DMRT2: variants seen among roughly 807,000 people sequenced by gnomAD.
The protein encoded by DMRT2 is doublesex- and mab-3-related transcription factor 2.
In DMRT2, 33 loss-of-function variants were observed where a neutral mutation model predicts 43.5. The observed-to-expected ratio is 0.76, with a 90% CI of 0.58 to 1.01. The LOEUF (loss-of-function observed/expected upper bound fraction) is 1.01, where lower values mean the gene tolerates loss of function less well. DMRT2 is among the 50% of genes least tolerant of loss of function. DMRT2 has a pLI of 0.00. For missense variants in DMRT2, 1,064 were observed against 748.0 expected, an observed-to-expected ratio of 1.42 and a Z score of -4.93; for synonymous variants, 395 against 309.2, an observed-to-expected ratio of 1.28 and a Z score of -2.91.
At chr9:1,055,784 G>A (rs748931401) in intron 3 of DMRT2, 33 of 1,508,662 alleles carry the variant, frequency 2.2e-5, no homozygotes, top group Middle Eastern at 1.7e-4. Context: ...GAAAATAAAA[G>A]TGACATCAGC....
At chr9:1,055,588 T>C in intron 3 of DMRT2, 1 of 777,228 alleles carries the variant, frequency 1.3e-6, no homozygotes, top group Non-Finnish European at 1.8e-6. Flanking sequence ...CTGGTTAAAT[T>C]GTTCACTGTA....
rs1244281470 is a variant in DMRT2 at position 1,051,865 on chromosome 9, G to A, written c.252G>A (p.Pro84=). Residue 84 remains proline, a synonymous_variant, in exon 2 of 4, where the codon CCG becomes CCA. Coordinates refer to ENST00000358146, the MANE Select transcript of DMRT2 (RefSeq NM_181872.6). This position sits in a 1 kb window ranked among gnomAD's most constrained non-coding sequence, Gnocchi z 5.9. The stretch of plus-strand genomic sequence containing the variant: ...GCCAGCCGGAGCAGCGGGGGGGACC[G>A]CAGCCGAGGCCGCCGCTCGCGCCTC... ...MPGQPEQRGG[P]QPRPPLAPQA... The A allele has an allele frequency of 7.2e-7, 1 of 1,385,704 alleles. No individual in the cohort carries two copies. Among genetic ancestry groups the A allele is most frequent in the South Asian group, 1.7e-5 (1 of 59,616 alleles). 85.8% of individuals were successfully genotyped at this position (1,385,704 alleles called of 1,614,324 possible). A position where few individuals can be genotyped will look rare whatever the true frequency, so the allele number is the denominator to read the frequency against.
At position 1,056,459 on chromosome 9, in the gene DMRT2, C is replaced by G; in HGVS notation, c.872C>G (p.Pro291Arg). ...TACAAAAGTGCCTACAGCCCCAGCCCAGTGGAACCACCAAGCAAGGACTTC... is the reference window on the plus strand; with the variant it reads ...TACAAAAGTGCCTACAGCCCCAGCCGAGTGGAACCACCAAGCAAGGACTTC... ...NSYKSAYSPS[P>R]VEPPSKDFCN... The change falls in exon 4 of 4, where the codon CCA becomes CGA. Residue 291 changes from proline to arginine, a missense_variant. Coordinates refer to ENST00000358146, the MANE Select transcript of DMRT2 (RefSeq NM_181872.6). 1 of 1,614,236 alleles carries G rather than the reference C, an allele frequency of 6.2e-7. No homozygotes were observed. Among genetic ancestry groups the G allele is most frequent in the Non-Finnish European group, 8.5e-7 (1 of 1,180,042 alleles).
chr9:1,057,081 G>C lies in DMRT2; in HGVS notation c.1494G>C (p.Glu498Asp). Residue 498 changes from glutamate (E) to aspartate (D), a missense_variant, in exon 4 of 4, where the codon GAG (glutamate) becomes GAC (aspartate). Glu to Asp is a conservative substitution (Grantham distance 45). Coordinates refer to ENST00000358146, the MANE Select transcript of DMRT2 (RefSeq NM_181872.6). ...KTPFVKEAFE[E>D]TPKKHRECLV... is the part of the protein sequence containing the mutation. Reference sequence around the variant, plus strand: ...CATTTGTCAAAGAGGCCTTTGAAGAGACCCCTAAGAAACACAGAGAGTGTT... The same window carrying C: ...CATTTGTCAAAGAGGCCTTTGAAGACACCCCTAAGAAACACAGAGAGTGTT... The C allele has an allele frequency of 1.2e-6, 2 of 1,614,126 alleles. No homozygotes were observed. The highest frequency in any genetic ancestry group is 1.7e-6 in the Non-Finnish European group (2 of 1,180,034).
At chr9:1,053,070 T>C (rs1035208802) in intron 2 of DMRT2, 27 of 152,314 alleles carry the variant, frequency 1.8e-4, no homozygotes, top group African/African-American at 6.5e-4. Flanking sequence ...GGTCATCGCC[T>C]GCCCTGCGTT....
chr9:1,056,993 A>G lies in DMRT2; in HGVS notation c.1406A>G (p.Asn469Ser). 1 of 1,614,140 alleles carries G rather than the reference A, an allele frequency of 6.2e-7. No individual in the cohort carries two copies. Among genetic ancestry groups the G allele is most frequent in the Non-Finnish European group, 8.5e-7 (1 of 1,180,030 alleles). Reference sequence around the variant, plus strand: ...AGGCACCCTCTGCCACTTAGACATAATCCATTCCACTCATTATTCCAGCAA... The same window carrying G: ...AGGCACCCTCTGCCACTTAGACATAGTCCATTCCACTCATTATTCCAGCAA... ...NTRHPLPLRH[N>S]PFHSLFQQTL... Residue 469 changes from asparagine to serine, a missense_variant, in exon 4 of 4, where the codon AAT (asparagine) becomes AGT (serine). Coordinates refer to ENST00000358146, the MANE Select transcript of DMRT2 (RefSeq NM_181872.6).
chr9:1,055,984 C>T, intron 3 of DMRT2: 3 of 1,406,064 alleles, frequency 2.1e-6, no homozygotes, highest in Non-Finnish European at 1.8e-6. Flanking sequence ...CCACAACAAG[C>T]AACAAGAACA....
At chr9:1,054,282 C>G (rs948343805) in intron 3 of DMRT2, among the ~76,000 whole-genome samples, 1 of 152,228 alleles carries the variant, frequency 6.6e-6, no homozygotes, top group Non-Finnish European at 1.5e-5. Flanking sequence ...AACACAACCA[C>G]GTCCACTTTT....
At chr9:1,054,993 A>G (rs993994059) in intron 3 of DMRT2, among the ~76,000 whole-genome samples, 6 of 152,288 alleles carry the variant, frequency 3.9e-5, no homozygotes, top group Admixed American at 2.0e-4. Flanking sequence ...CATGTGTTGT[A>G]TACTTCTGAC....
intron 2 of DMRT2, 91 bp downstream of exon 2, chr9:1,052,229 C>G (rs1821647081): frequency 9.1e-7 from 1 of 1,104,582 alleles, no homozygotes. Context: ...CCCCCGCGCC[C>G]AGGGCCTTGC....
At position 1,051,564 on chromosome 9, in the gene DMRT2, C is replaced by A; in HGVS notation, c.-44-6C>A. The stretch of plus-strand genomic sequence containing the variant: ...TGGGTCTTTGGATTTCTTTGTGTTT[C>A]CCCAGAGTGAGGGCCGCCAGGCTCA... On this transcript the variant is annotated splice_region_variant and splice_polypyrimidine_tract_variant and intron_variant, in intron 1 of 3. Coordinates refer to ENST00000358146, the MANE Select transcript of DMRT2 (RefSeq NM_181872.6). This position sits in a 1 kb window ranked among gnomAD's most constrained non-coding sequence, Gnocchi z 5.9. 1 of 1,466,118 alleles carries A rather than the reference C, an allele frequency of 6.8e-7. No individual in the cohort carries two copies. The highest frequency in any genetic ancestry group is 8.9e-7 in the Non-Finnish European group (1 of 1,119,300). The allele number at this position is 1,466,118 out of a possible 1,614,324, so 90.8% of individuals were successfully genotyped here.
chr9:1,052,549 A>T (rs1821673798), intron 2 of DMRT2, among the ~76,000 whole-genome samples: 1 of 151,966 alleles, frequency 6.6e-6, no homozygotes. Flanking sequence ...GATGATGGAG[A>T]AAAAGAACCA....
intron 2 of DMRT2, among the ~76,000 whole-genome samples, chr9:1,052,434 G>A (rs6474549): frequency 0.21 from 32,536 of 151,706 alleles, 4,046 homozygotes; most frequent in African/African-American, 0.34. Context: ...TTATTTTTTT[G>A]CATTTTAAAG....
chr9:1,052,062 C>A lies in DMRT2; in HGVS notation c.449C>A (p.Ala150Asp). The change falls in exon 2 of 4, where the codon GCC (alanine) becomes GAC (aspartate). Residue 150 changes from alanine to aspartate, a missense_variant. Coordinates refer to ENST00000358146, the MANE Select transcript of DMRT2 (RefSeq NM_181872.6). ...RFCRWRDCQC[A>D]NCLLVVERQR... Reference sequence around the variant, plus strand: ...TGTCGCTGGCGCGACTGCCAGTGCGCCAACTGCCTGCTGGTGGTGGAGCGG... The same window carrying A: ...TGTCGCTGGCGCGACTGCCAGTGCGACAACTGCCTGCTGGTGGTGGAGCGG... 4 of 1,469,370 alleles carry A rather than the reference C, an allele frequency of 2.7e-6. No homozygotes were observed. Among genetic ancestry groups the A allele is most frequent in the Non-Finnish European group, 3.6e-6 (4 of 1,116,434 alleles). 91.0% of individuals were successfully genotyped at this position (1,469,370 alleles called of 1,614,324 possible). A position where few individuals can be genotyped will look rare whatever the true frequency, so the allele number is the denominator to read the frequency against.
intron 3 of DMRT2, chr9:1,055,786 G>T: frequency 1.3e-6 from 2 of 1,508,654 alleles, no homozygotes; most frequent in South Asian, 2.6e-5. Context: ...AAATAAAAGT[G>T]ACATCAGCTC....
chr9:1,055,941 G>T, intron 3 of DMRT2: 1 of 1,404,488 alleles, frequency 7.1e-7, no homozygotes, highest in East Asian at 2.7e-5. Context: ...AAGTATGTCT[G>T]TTGAAGCAAG....
chr9:1,053,031 G>A (rs1821712835), intron 2 of DMRT2: 1 of 152,352 alleles, frequency 6.6e-6, no homozygotes, highest in South Asian at 2.1e-4. Flanking sequence ...ACCTGGTCCT[G>A]GGCTTGGTCT....
rs1232893517 is a variant in DMRT2, at chr9:1,057,221, T to C, written c.1634T>C (p.Val545Ala). 3 of 1,613,990 alleles carry C rather than the reference T, an allele frequency of 1.9e-6. No homozygotes were observed. Among genetic ancestry groups the C allele is most frequent in the East Asian group, 2.2e-5 (1 of 44,870 alleles). The change falls in exon 4 of 4, where the codon GTT becomes GCT. Residue 545 changes from valine to alanine, a missense_variant. Val to Ala is a moderately conservative substitution (Grantham distance 64). Transcript: ENST00000358146. Reference protein sequence around the residue: ...LSVNEPLSFSVESILKRPSSA... With the variant: ...LSVNEPLSFSAESILKRPSSA... ...GTGAATGAACCACTGTCATTTTCTG[T>C]TGAGTCTATTCTTAAGAGGCCTTCA... is the stretch of plus-strand genomic sequence containing the variant.
intron 3 of DMRT2, among the ~76,000 whole-genome samples, chr9:1,055,005 A>G (rs906015162): frequency 1.3e-5 from 2 of 152,228 alleles, no homozygotes; most frequent in African/African-American, 2.4e-5. Flanking sequence ...ACTTCTGACC[A>G]TAGAGTGGTT....
Sources: gnomAD v4.1 joint callset for allele counts (sites outside exome capture counted in the v4.1 genomes callset) on GRCh38, gnomAD v4.1.1 for gene constraint, Gnocchi (gnomAD v3.1) non-coding constraint, MANE v1.5 for transcripts, NCBI Gene and HGNC (gene_info 2026-07-23, HGNC 2026-07-21) for gene names.